GPAT3: variants seen among roughly 807,000 people sequenced by gnomAD.
GPAT3 encodes 1-AGP acyltransferase 9.
A neutral mutation model predicts 58.8 loss-of-function variants in GPAT3; 53 were observed. The ratio of observed to expected loss-of-function variants is 0.90; its 90% CI spans 0.72 to 1.13. GPAT3 has a LOEUF of 1.13. GPAT3 is among the 50% of genes most tolerant of loss of function. GPAT3 has a pLI of 0.00. For missense variants in GPAT3, 511 were observed against 527.6 expected (o/e 0.97, Z 0.31); for synonymous variants, 197 against 187.4 (o/e 1.05, Z -0.42).
chr4:83,579,017 CCTTTCTTTCTTTCTTT>C (rs756095198), intron 2 of GPAT3, among the ~76,000 whole-genome samples: 108 of 46,500 alleles, frequency 2.3e-3, no homozygotes, highest in African/African-American at 7.5e-3. Flanking sequence ...TCCTTCTTTC[CCTTTCTTTCTTTCTTT>C]CTTTCTTTCT....
intron 1 of GPAT3, among the ~76,000 whole-genome samples, chr4:83,541,675 T>G (rs1724309667): frequency 6.6e-6 from 1 of 152,208 alleles, no homozygotes; most frequent in Non-Finnish European, 1.5e-5. Context: ...ATTTGAGGAA[T>G]ATCACTGTAT....
chr4:83,589,405 A>C (rs1726506905), intron 5 of GPAT3, among the ~76,000 whole-genome samples: 1 of 152,204 alleles, frequency 6.6e-6, no homozygotes, highest in Non-Finnish European at 1.5e-5. Flanking sequence ...TTCTGTAAAT[A>C]ACATTTTATT....
chr4:83,560,789 TC>T (rs1725101167), intron 2 of GPAT3, among the ~76,000 whole-genome samples: 1 of 152,094 alleles, frequency 6.6e-6, no homozygotes, highest in African/African-American at 2.4e-5. Context: ...GTGAATGAGT[TC>T]TCCTAAGATG....
At chr4:83,585,834 G>A (rs1221620114) in intron 3 of GPAT3, among the ~76,000 whole-genome samples, 3 of 152,088 alleles carry the variant, frequency 2.0e-5, no homozygotes, top group South Asian at 2.1e-4. Context: ...TGATCCACTC[G>A]CCTGGGCCTC....
intron 2 of GPAT3, among the ~76,000 whole-genome samples, chr4:83,574,828 T>C (rs571842487): frequency 6.7e-6 from 1 of 150,230 alleles, no homozygotes; most frequent in Non-Finnish European, 1.5e-5. Context: ...TATTTCTATG[T>C]ATTTTGAAGA....
chr4:83,572,190 A>G (rs989972320), intron 2 of GPAT3, among the ~76,000 whole-genome samples: 3 of 152,168 alleles, frequency 2.0e-5, no homozygotes, highest in Non-Finnish European at 2.9e-5. Context: ...CAAGCTTGAG[A>G]ACCACTGAGT....
At chr4:83,553,093 C>G (rs1431487240) in intron 2 of GPAT3, among the ~76,000 whole-genome samples, 1 of 152,148 alleles carries the variant, frequency 6.6e-6, no homozygotes, top group Non-Finnish European at 1.5e-5. Context: ...GTTATAGCAG[C>G]CTGAAGTGAC....
chr4:83,566,113 AC>A (rs765384557), intron 2 of GPAT3, among the ~76,000 whole-genome samples: 1 of 152,118 alleles, frequency 6.6e-6, no homozygotes, highest in South Asian at 2.1e-4. Context: ...CAATAAGGAG[AC>A]TTTTCTCCTC....
At chr4:83,600,533 C>T (rs538529124) in intron 11 of GPAT3, among the ~76,000 whole-genome samples, 1 of 151,650 alleles carries the variant, frequency 6.6e-6, no homozygotes, top group South Asian at 2.1e-4. Flanking sequence ...GAGATGGAGT[C>T]CTCTCTGTCA....
intron 2 of GPAT3, among the ~76,000 whole-genome samples, chr4:83,551,603 C>T (rs189913226): frequency 0.014 from 2,201 of 151,934 alleles, 35 homozygotes; most frequent in Non-Finnish European, 0.022. Flanking sequence ...ACCATCCTGG[C>T]CAACATGGTG....
intron 10 of GPAT3, 104 bp from the exon 11 acceptor site, chr4:83,598,540 G>A: frequency 2.0e-6 from 2 of 1,013,486 alleles, no homozygotes; most frequent in South Asian, 1.4e-5. Context: ...CATTTGAGCT[G>A]AAATATGAAT....
intron 2 of GPAT3, among the ~76,000 whole-genome samples, chr4:83,562,719 G>T (rs1483456597): frequency 6.6e-6 from 1 of 151,912 alleles, no homozygotes; most frequent in East Asian, 1.9e-4. Flanking sequence ...AGGAAGAGAT[G>T]AATGAACAAG....
intron 2 of GPAT3, among the ~76,000 whole-genome samples, chr4:83,549,289 A>G (rs992984779): frequency 6.6e-6 from 1 of 152,038 alleles, no homozygotes; most frequent in Admixed American, 6.6e-5. Context: ...AATACAAACC[A>G]GTATGTGTTG....
chr4:83,594,793 C>G (rs1351429075), intron 6 of GPAT3, 52 bp from the exon 7 acceptor site: 11 of 1,497,736 alleles, frequency 7.3e-6, no homozygotes, highest in Non-Finnish European at 9.2e-6. Context: ...AAAAAACTTT[C>G]TTTGCACAAC....
chr4:83,561,568 A>G (rs1725126510), intron 2 of GPAT3, among the ~76,000 whole-genome samples: 1 of 152,138 alleles, frequency 6.6e-6, no homozygotes, highest in Non-Finnish European at 1.5e-5. Flanking sequence ...GCCAACCCAC[A>G]TGACCTCCCA....
chr4:83,601,752 T>G (rs1466215734), intron 11 of GPAT3, among the ~76,000 whole-genome samples: 2 of 152,214 alleles, frequency 1.3e-5, no homozygotes, highest in Admixed American at 1.3e-4. Context: ...AGACCCTGTC[T>G]CAAATAAATA....
At chr4:83,595,012 A>G (rs77257434) in intron 7 of GPAT3, 52 bp downstream of exon 7, 42,109 of 1,528,020 alleles carry the variant, frequency 0.028, 711 homozygotes, top group African/African-American at 0.071. Flanking sequence ...AAGCTGACCA[A>G]TCTTGGCCTT....
intron 3 of GPAT3, among the ~76,000 whole-genome samples, chr4:83,585,472 A>T (rs958029654): frequency 3.3e-5 from 5 of 151,486 alleles, no homozygotes; most frequent in African/African-American, 1.2e-4. Context: ...ACTTTTTTTT[A>T]CGTTTCCAGA....
chr4:83,598,739 GA>G lies in GPAT3; in HGVS notation c.1205+18del. The G allele has an allele frequency of 2.6e-6, 1 of 389,482 alleles. No homozygotes were observed. Among genetic ancestry groups the G allele is most frequent in the Middle Eastern group, 7.0e-4 (1 of 1,434 alleles). 24.1% of individuals were successfully genotyped at this position (389,482 alleles called of 1,614,324 possible). ...AACTTCCCTGGTAAGAGAACTTTCAGAAGTACTATCACTTTTTTTTTTTTTT... is the reference window on the plus strand; with the variant it reads ...AACTTCCCTGGTAAGAGAACTTTCAGAGTACTATCACTTTTTTTTTTTTTT... On this transcript the variant is annotated intron_variant, in intron 11 of 11. Transcript: ENST00000264409.
Sources: allele counts gnomAD v4.1 joint callset (sites outside exome capture counted in the v4.1 genomes callset), GRCh38; gene constraint gnomAD v4.1.1; transcripts MANE v1.5; gene names NCBI Gene and HGNC (gene_info 2026-07-23, HGNC 2026-07-21).